The following SCIN variants were observed in gnomAD, a reference collection of about 807,000 sequenced individuals.
SCIN encodes the protein adseverin.
In SCIN, 91 loss-of-function variants were observed where a neutral mutation model predicts 91.8. That is an observed-to-expected ratio of 0.99 (90% CI 0.84 to 1.18). The LOEUF (loss-of-function observed/expected upper bound fraction) is 1.18, where lower values mean the gene tolerates loss of function less well. SCIN is among the 50% of genes most tolerant of loss of function. SCIN has a pLI of 0.00. For synonymous variants in SCIN, 367 were observed against 312.6 expected (o/e 1.17, Z -1.84); for missense variants, 1,087 against 863.9 (o/e 1.26, Z -3.24).
Position 12,658,673 on chromosome 7 carries a change from ACT to A in SCIN, c.*5963_*5964del, listed in dbSNP as rs1182759523. The stretch of plus-strand genomic sequence containing the variant: ...GGTTGTACAGAAAGGTGATGCCAAG[ACT>A]CTCTTGTATGATTTTCCTCTCTAGC... On this transcript the variant is annotated 3_prime_UTR_variant, in exon 16 of 16. Coordinates refer to ENST00000297029, the MANE Select transcript of SCIN (RefSeq NM_001112706.3). 1.3e-5 allele frequency: 2 copies of A among 151,794 alleles called. No homozygotes were observed. The highest frequency in any genetic ancestry group is 2.9e-5 in the Non-Finnish European group (2 of 67,956). The allele number at this position is 151,794 out of a possible 1,614,324, so 9.4% of individuals were successfully genotyped here. A position where few individuals can be genotyped will look rare whatever the true frequency, so the allele number is the denominator to read the frequency against.
chr7:12,574,757 A>C (rs1782336126), intron 1 of SCIN, among the ~76,000 whole-genome samples: 1 of 152,134 alleles, frequency 6.6e-6, no homozygotes, highest in Admixed American at 6.5e-5. Context: ...AGTAAACCTT[A>C]GTATCAGGTA....
rs1453011867 is a variant in SCIN at position 12,655,905 on chromosome 7, T to C, written c.*3190T>C. The C allele has an allele frequency of 6.6e-6, 1 of 152,194 alleles. No homozygotes were observed. Among genetic ancestry groups the C allele is most frequent in the Non-Finnish European group, 1.5e-5 (1 of 68,034 alleles). The allele number at this position is 152,194 out of a possible 1,614,324, so 9.4% of individuals were successfully genotyped here. ...AAAGAACAGAAAGACCCAGGAAGCC[T>C]ACTGTTAGTAGAGGTCAGCCTCATC... On this transcript the variant is annotated 3_prime_UTR_variant, in exon 16 of 16. Transcript: ENST00000297029.
chr7:12,599,664 A>G (rs1159011524), intron 3 of SCIN, among the ~76,000 whole-genome samples: 1 of 151,630 alleles, frequency 6.6e-6, no homozygotes. Context: ...CCCTTTCACC[A>G]CACCCACACC....
At chr7:12,575,110 T>C (rs1018380973) in intron 1 of SCIN, among the ~76,000 whole-genome samples, 2 of 152,154 alleles carry the variant, frequency 1.3e-5, no homozygotes, top group African/African-American at 2.4e-5. Context: ...TCAATAGCAT[T>C]GCGCCTTTAA....
intron 2 of SCIN, among the ~76,000 whole-genome samples, chr7:12,580,370 G>A (rs1488740862): frequency 6.6e-6 from 1 of 152,010 alleles, no homozygotes; most frequent in Non-Finnish European, 1.5e-5. Flanking sequence ...CTTTAATTCG[G>A]GTGATTGTAT....
chr7:12,598,062 CTGTT>C (rs1782878759), intron 3 of SCIN, among the ~76,000 whole-genome samples: 1 of 152,164 alleles, frequency 6.6e-6, no homozygotes, highest in African/African-American at 2.4e-5. Context: ...GCCCCTGAAA[CTGTT>C]TGCTTTACAA....
chr7:12,589,866 C>G (rs1782681730), intron 3 of SCIN, among the ~76,000 whole-genome samples: 1 of 152,140 alleles, frequency 6.6e-6, no homozygotes, highest in Non-Finnish European at 1.5e-5. Context: ...CGTATATTAA[C>G]TCAAATGGAC....
At chr7:12,645,982 T>G (rs1437627919) in intron 13 of SCIN, among the ~76,000 whole-genome samples, 1 of 152,218 alleles carries the variant, frequency 6.6e-6, no homozygotes, top group African/African-American at 2.4e-5. Flanking sequence ...ATGTAAATTT[T>G]ACATGTCAAT....
At chr7:12,589,455 C>T (rs1322982495) in intron 3 of SCIN, 1 of 152,274 alleles carries the variant, frequency 6.6e-6, no homozygotes, top group Non-Finnish European at 1.5e-5. Flanking sequence ...GATCTCCTGA[C>T]CTCGTGATCC....
intron 4 of SCIN, among the ~76,000 whole-genome samples, chr7:12,615,870 C>T (rs978210218): frequency 1.3e-5 from 2 of 152,060 alleles, no homozygotes; most frequent in African/African-American, 2.4e-5. Context: ...TCCCAACTCC[C>T]TTGCCATTGA....
At chr7:12,591,319 A>T (rs538686638) in intron 3 of SCIN, among the ~76,000 whole-genome samples, 145 of 152,232 alleles carry the variant, frequency 9.5e-4, no homozygotes, top group Non-Finnish European at 1.8e-3. Context: ...GATCTTGTAG[A>T]TTATGAGAAC....
intron 11 of SCIN, among the ~76,000 whole-genome samples, chr7:12,641,597 G>A (rs75793669): frequency 0.019 from 2,885 of 152,018 alleles, 96 homozygotes; most frequent in African/African-American, 0.066. Flanking sequence ...TTCCTTGACC[G>A]CATTTCATCT....
At chr7:12,624,026 A>G (rs981661513) in intron 5 of SCIN, among the ~76,000 whole-genome samples, 3 of 152,222 alleles carry the variant, frequency 2.0e-5, no homozygotes, top group African/African-American at 7.2e-5. Flanking sequence ...CCTGGACAGC[A>G]TTATGAACTA....
At chr7:12,628,941 C>G (rs987135715) in intron 8 of SCIN, among the ~76,000 whole-genome samples, 160 bp from the exon 9 acceptor site, 5 of 151,928 alleles carry the variant, frequency 3.3e-5, no homozygotes, top group Non-Finnish European at 5.9e-5. Context: ...AATAAATTGG[C>G]AAATCGATAA....
chr7:12,577,521 T>C (rs999129887), intron 1 of SCIN: 4 of 456,270 alleles, frequency 8.8e-6, no homozygotes, highest in Non-Finnish European at 1.8e-5. Flanking sequence ...ACAACAGTGT[T>C]TCTTTTTAAA....
rs1462603199 is a variant in SCIN at position 12,657,289 on chromosome 7, T to TGACTGCAATCTCTGCC, written c.*4574_*4575insGACTGCAATCTCTGCC. ...GCTGGAGTACAGTAGCGATCTCTGC[T>TGACTGCAATCTCTGCC]CACTGCAATCTCTGCCTCCTGGGTT... On this transcript the variant is annotated 3_prime_UTR_variant, in exon 16 of 16. Transcript: ENST00000297029. 1 of 142,670 alleles carries TGACTGCAATCTCTGCC rather than the reference T, an allele frequency of 7.0e-6. No individual in the cohort carries two copies. Among genetic ancestry groups the TGACTGCAATCTCTGCC allele is most frequent in the African/African-American group, 2.6e-5 (1 of 38,606 alleles). The allele number at this position is 142,670 out of a possible 1,614,324, so 8.8% of individuals were successfully genotyped here. A position where few individuals can be genotyped will look rare whatever the true frequency, so the allele number is the denominator to read the frequency against.
chr7:12,581,066 G>A lies in SCIN; in HGVS notation c.361G>A (p.Gly121Ser). ...GTCTTCCCTCATTCATCAGGCTGGA[G>A]GCGTGGCATCTGGATTAAATCATGT... is the stretch of plus-strand genomic sequence containing the variant. ...FKGGLKYKAG[G>S]VASGLNHVLT... The change falls in exon 3 of 16, where the codon GGC becomes AGC. Residue 121 changes from glycine to serine, a missense_variant. Gly to Ser is a moderately conservative substitution (Grantham distance 56). Coordinates refer to ENST00000297029, the MANE Select transcript of SCIN (RefSeq NM_001112706.3). 9 of 1,550,978 alleles carry A rather than the reference G, an allele frequency of 5.8e-6. No homozygotes were observed. Among genetic ancestry groups the A allele is most frequent in the Non-Finnish European group, 7.8e-6 (9 of 1,146,524 alleles).
At position 12,644,328 on chromosome 7, in the gene SCIN, G is replaced by A. The variant is rs1783915576; in HGVS notation, c.1759+13G>A. 6.4e-7 allele frequency: 1 copy of A among 1,569,444 alleles called. No homozygotes were observed. Among genetic ancestry groups the A allele is most frequent in the South Asian group, 1.2e-5 (1 of 85,408 alleles). ...GGCGAGGAGCCAGGTGTGTGCTCTG[G>A]GGCCAAGGGCACTAACTAGAATTTA... On this transcript the variant is annotated intron_variant, in intron 12 of 15. Transcript: ENST00000297029.
Position 12,644,147 on chromosome 7 carries a change from G to T in SCIN, c.1591G>T (p.Asp531Tyr). 1 of 1,611,982 alleles carries T rather than the reference G, an allele frequency of 6.2e-7. No individual in the cohort carries two copies. Among genetic ancestry groups the T allele is most frequent in the South Asian group, 1.1e-5 (1 of 90,688 alleles). Reference sequence around the variant, plus strand: ...TTTCTTCATATTCCAGGTTGATGTTGATGCAAATTCACTGAATTCTAACGA... The same window carrying T: ...TTTCTTCATATTCCAGGTTGATGTTTATGCAAATTCACTGAATTCTAACGA... ...SITRIVEVDV[D>Y]ANSLNSNDVF... The change falls in exon 12 of 16, where the codon GAT becomes TAT. Residue 531 changes from aspartate to tyrosine, a missense_variant. Physicochemically the swap from Asp to Tyr is radical, Grantham distance 160 (BLOSUM62 -3). Transcript: ENST00000297029.
Sources: allele counts gnomAD v4.1 joint callset (sites outside exome capture counted in the v4.1 genomes callset), GRCh38; gene constraint gnomAD v4.1.1; transcripts MANE v1.5; gene names NCBI Gene and HGNC (gene_info 2026-07-23, HGNC 2026-07-21).